Variants in PLD2 observed in about 807,000 individuals in gnomAD.
PLD2 encodes the protein choline phosphatase 2.
Under a neutral mutation model 119.8 loss-of-function variants are expected in PLD2, and 101 were observed. The ratio of observed to expected loss-of-function variants is 0.84; its 90% CI spans 0.72 to 0.99. PLD2 has a LOEUF of 0.99. Among genes scored for constraint, PLD2 ranks in the 50% least tolerant of loss-of-function variants. The pLI, the probability that PLD2 is intolerant of heterozygous loss-of-function variation, is 0.00. For synonymous variants in PLD2, 494 were observed against 482.8 expected (o/e 1.02, Z -0.30); for missense variants, 1,164 against 1,226.8 (o/e 0.95, Z 0.76).
Position 4,808,100 on chromosome 17 carries a change from A to G in PLD2, c.226A>G (p.Thr76Ala), listed in dbSNP as rs775555727. 8.1e-6 allele frequency: 13 copies of G among 1,610,240 alleles called. No homozygotes were observed. In the Admixed American group the frequency reaches 2.0e-4, roughly 25 times the overall value. The change falls in exon 3 of 25, where the codon ACC becomes GCC. Residue 76 changes from threonine to alanine, a missense_variant. Transcript: ENST00000263088. The surrounding 1 kb of genome is among the most constrained non-coding windows in gnomAD (Gnocchi z 4.1). ...CCAGGTGGTGGGCACCGAAAGATAT[A>G]CCAGCGGATCCAAGGTGGCCAGACT... ...TAQVVGTERY[T>A]SGSKVGTCTL... is the part of the protein sequence containing the mutation.
Position 4,819,004 on chromosome 17 carries a change from T to C in PLD2, c.2174-80T>C, listed in dbSNP as rs2326097. 1,579,990 of 1,580,614 alleles carry C rather than the reference T, an allele frequency of 1. 789,686 individuals carry two copies. The highest frequency in any genetic ancestry group is 1 in the East Asian group (44,650 of 44,650). ...GAGACCAGACTCTATGTAGGAAGAG[T>C]TTCTGGAGTGAGAGGAGGTGGGACA... is the stretch of plus-strand genomic sequence containing the variant. On this transcript the variant is annotated intron_variant, in intron 21 of 24. Transcript: ENST00000263088. This position sits in a 1 kb window ranked among gnomAD's most constrained non-coding sequence, Gnocchi z 4.2.
intron 23 of PLD2, among the ~76,000 whole-genome samples, chr17:4,820,086 A>T (rs1907491092): frequency 6.7e-6 from 1 of 149,676 alleles, no homozygotes; most frequent in African/African-American, 2.5e-5. Flanking sequence ...CTGGGATTAC[A>T]GGCATGCGCC....
chr17:4,808,989 TG>T lies in PLD2; in HGVS notation c.384-109del. On this transcript the variant is annotated intron_variant, in intron 4 of 24. Transcript: ENST00000263088. This position sits in a 1 kb window ranked among gnomAD's most constrained non-coding sequence, Gnocchi z 4.1. ...GATTCCAGGCGTGAGCCACCACGCC[TG>T]GCCACCTCCAGGCCTCTTCTTTTCC... 1.2e-6 allele frequency: 1 copy of T among 821,772 alleles called. No homozygotes were observed. Among genetic ancestry groups the T allele is most frequent in the Non-Finnish European group, 2.0e-6 (1 of 493,040 alleles). 50.9% of individuals were successfully genotyped at this position (821,772 alleles called of 1,614,324 possible).
rs780985200 is a variant in PLD2, at chr17:4,821,927, G to C, written c.2577+20G>C. On this transcript the variant is annotated intron_variant, in intron 24 of 24. Transcript: ENST00000263088. ...GAGCAGGTGGGAACTTGGGAGGGGT[G>C]GGGGAGAGTGGCCTGGGGAAATTTG... 1.1e-5 allele frequency: 16 copies of C among 1,506,600 alleles called. 1 individual carries two copies. Among genetic ancestry groups the C allele is most frequent in the East Asian group, 6.8e-5 (3 of 44,412 alleles). The allele number at this position is 1,506,600 out of a possible 1,614,324, so 93.3% of individuals were successfully genotyped here.
Position 4,808,000 on chromosome 17 carries a change from G to C in PLD2, c.126G>C (p.Pro42=), listed in dbSNP as rs766939679. The C allele has an allele frequency of 5.2e-5, 84 of 1,609,494 alleles. No homozygotes were observed. The highest frequency in any genetic ancestry group is 6.3e-5 in the Non-Finnish European group (74 of 1,176,344). ...TCCTCCCAGCCGACCGGATGCACCCGTTTCTGGCCATCTATGAGCTTCAGT... is the reference window on the plus strand; with the variant it reads ...TCCTCCCAGCCGACCGGATGCACCCCTTTCTGGCCATCTATGAGCTTCAGT... ...EGEDPADRMH[P]FLAIYELQSL... Residue 42 remains proline, a synonymous_variant, in exon 3 of 25, where the codon CCG becomes CCC. Coordinates refer to ENST00000263088, the MANE Select transcript of PLD2 (RefSeq NM_002663.5). The surrounding 1 kb of genome is among the most constrained non-coding windows in gnomAD (Gnocchi z 5.4).
intron 10 of PLD2, among the ~76,000 whole-genome samples, chr17:4,811,157 T>G (rs1906424112): frequency 6.6e-6 from 1 of 152,094 alleles, no homozygotes; most frequent in South Asian, 2.1e-4. Context: ...CCCCCAAACT[T>G]GGTCATCTCT....
intron 24 of PLD2, 42 bp downstream of exon 24, chr17:4,821,949 T>A: frequency 7.7e-7 from 1 of 1,300,640 alleles, no homozygotes; most frequent in South Asian, 1.2e-5. Context: ...CCTGGGGAAA[T>A]TTGTGGATTA....
Position 4,818,332 on chromosome 17 carries a change from G to A in PLD2, c.1956G>A (p.Thr652=), listed in dbSNP as rs1180332028. 15 of 1,614,058 alleles carry A rather than the reference G, an allele frequency of 9.3e-6. No homozygotes were observed. Among genetic ancestry groups the A allele is most frequent in the East Asian group, 2.2e-5 (1 of 44,894 alleles). The part of the protein sequence containing the change: ...QFFISCSDGR[T]VLNKVGDEIV... ...TCATTAGCTGCTCAGATGGGCGGAC[G>A]GTTCTGAACAAGGTGGGCGATGAGA... Residue 652 remains threonine, a synonymous_variant, in exon 19 of 25, where the codon ACG becomes ACA. Transcript: ENST00000263088.
Position 4,818,520 on chromosome 17 carries a change from T to C in PLD2, c.2036T>C (p.Val679Ala). The C allele has an allele frequency of 4.3e-6, 7 of 1,613,978 alleles. No individual in the cohort carries two copies. The highest frequency in any genetic ancestry group is 5.9e-6 in the Non-Finnish European group (7 of 1,179,906). Residue 679 changes from valine to alanine, a missense_variant, in exon 20 of 25, where the codon GTG becomes GCG. Transcript: ENST00000263088. Reference protein sequence around the residue: ...HKQGWCYRVYVLLPLLPGFEG... With the variant: ...HKQGWCYRVYALLPLLPGFEG... Reference sequence around the variant, plus strand: ...CAGGGGTGGTGTTACCGAGTCTACGTGCTTTTGCCCTTACTCCCTGGCTTC... The same window carrying C: ...CAGGGGTGGTGTTACCGAGTCTACGCGCTTTTGCCCTTACTCCCTGGCTTC...
Position 4,819,692 on chromosome 17 carries a change from C to A in PLD2, c.2462+110C>A. Reference sequence around the variant, plus strand: ...GTACTCCCGGAGCCAGAGGTAGAGGCAGTACTAGATTCTCAATAGGCAAGG... The same window carrying A: ...GTACTCCCGGAGCCAGAGGTAGAGGAAGTACTAGATTCTCAATAGGCAAGG... On this transcript the variant is annotated intron_variant, in intron 23 of 24. Coordinates refer to ENST00000263088, the MANE Select transcript of PLD2 (RefSeq NM_002663.5). The surrounding 1 kb of genome is among the most constrained non-coding windows in gnomAD (Gnocchi z 4.2). 1 of 1,077,312 alleles carries A rather than the reference C, an allele frequency of 9.3e-7. No individual in the cohort carries two copies. Among genetic ancestry groups the A allele is most frequent in the Non-Finnish European group, 1.3e-6 (1 of 759,240 alleles). The allele number at this position is 1,077,312 out of a possible 1,614,324, so 66.7% of individuals were successfully genotyped here. A position where few individuals can be genotyped will look rare whatever the true frequency, so the allele number is the denominator to read the frequency against.
At chr17:4,821,602 C>T in intron 23 of PLD2, 191 bp from the exon 24 acceptor site, 1 of 465,270 alleles carries the variant, frequency 2.1e-6, no homozygotes, top group East Asian at 3.9e-5. Context: ...GCCATATTGC[C>T]CAGGCTGGTC....
rs747045432 is a variant in PLD2, at chr17:4,815,493, G to T, written c.1191G>T (p.Val397=). The T allele has an allele frequency of 1.4e-5, 23 of 1,611,142 alleles. No individual in the cohort carries two copies. The highest frequency in any genetic ancestry group is 2.5e-6 in the Non-Finnish European group (3 of 1,177,494). The change falls in exon 13 of 25, where the codon GTG becomes GTT. Residue 397 remains valine, a synonymous_variant. Transcript: ENST00000263088. ...ACCACCAGGAGGAGGGTGTCCGTGT[G>T]TCTATTCTGCTGTTTAAAGAAGTGG... is the stretch of plus-strand genomic sequence containing the variant. ...LKRKAEEGVR[V]SILLFKEVEL... is the part of the protein sequence containing the mutation.
In PLD2 at chr17:4,814,261, C is replaced by T. The variant is rs1906748744; in HGVS notation, c.1011-157C>T. On this transcript the variant is annotated intron_variant, in intron 10 of 24. Transcript: ENST00000263088. Reference sequence around the variant, plus strand: ...TTTGTATTTAGCGCATATGGGCAAACACTATTTTGATGTGTCTGATACCAC... The same window carrying T: ...TTTGTATTTAGCGCATATGGGCAAATACTATTTTGATGTGTCTGATACCAC... The T allele has an allele frequency of 4.3e-6, 5 of 1,160,542 alleles. 1 individual carries two copies. In the South Asian group the frequency reaches 4.7e-5, roughly 11 times the overall value. 71.9% of individuals were successfully genotyped at this position (1,160,542 alleles called of 1,614,324 possible).
At chr17:4,820,812 G>A (rs1457323609) in intron 23 of PLD2, among the ~76,000 whole-genome samples, 2 of 145,638 alleles carry the variant, frequency 1.4e-5, no homozygotes, top group Admixed American at 6.9e-5. Flanking sequence ...TCTTGACCTC[G>A]TGATCTGCCC....
rs534026768 is a variant in PLD2 at position 4,819,224 on chromosome 17, T to C, written c.2308+6T>C. ...TGACCGGACAGTCATCATTGGTCAG[T>C]GCCGGATCTAGTCCTCTGGCAGGGA... is the stretch of plus-strand genomic sequence containing the variant. On this transcript the variant is annotated splice_donor_region_variant and intron_variant, in intron 22 of 24. Coordinates refer to ENST00000263088, the MANE Select transcript of PLD2 (RefSeq NM_002663.5). The surrounding 1 kb of genome is among the most constrained non-coding windows in gnomAD (Gnocchi z 4.2). The C allele has an allele frequency of 6.2e-6, 10 of 1,613,876 alleles. No homozygotes were observed. In the South Asian group the frequency reaches 9.9e-5, roughly 16 times the overall value.
intron 9 of PLD2, 48 bp downstream of exon 9, chr17:4,810,077 C>T (rs1359406601): frequency 1.3e-6 from 2 of 1,590,874 alleles, no homozygotes; most frequent in Non-Finnish European, 1.7e-6. Context: ...GTGAGCCCAC[C>T]CACGGCCTTG....
In PLD2 at chr17:4,821,899, T is replaced by C; in HGVS notation, c.2569T>C (p.Tyr857His). 6.2e-7 allele frequency: 1 copy of C among 1,610,370 alleles called. No homozygotes were observed. The highest frequency in any genetic ancestry group is 8.5e-7 in the Non-Finnish European group (1 of 1,176,872). ...QDMAESNANI[Y>H]EQIFRCLPSN... Reference sequence around the variant, plus strand: ...CATGGCTGAGAGCAACGCCAATATCTATGAGCAGGTGGGAACTTGGGAGGG... The same window carrying C: ...CATGGCTGAGAGCAACGCCAATATCCATGAGCAGGTGGGAACTTGGGAGGG... Residue 857 changes from tyrosine (Y) to histidine (H), a missense_variant, in exon 24 of 25, where the codon TAT (tyrosine) becomes CAT (histidine). Transcript: ENST00000263088.
intron 10 of PLD2, among the ~76,000 whole-genome samples, chr17:4,812,216 A>G (rs1906541361): frequency 6.6e-6 from 1 of 151,462 alleles, no homozygotes; most frequent in Admixed American, 6.6e-5. Flanking sequence ...TCCCAGGTTC[A>G]AGGGATTCTC....
At chr17:4,816,275 C>T (rs922595372) in intron 14 of PLD2, among the ~76,000 whole-genome samples, 15 of 151,694 alleles carry the variant, frequency 9.9e-5, no homozygotes, top group African/African-American at 2.9e-4. Flanking sequence ...TGAAGCTACT[C>T]GGGAGGCTGA....
Sources: allele counts gnomAD v4.1 joint callset (sites outside exome capture counted in the v4.1 genomes callset), GRCh38; gene constraint gnomAD v4.1.1; non-coding constraint Gnocchi (gnomAD v3.1); transcripts MANE v1.5; gene names NCBI Gene and HGNC (gene_info 2026-07-23, HGNC 2026-07-21).